EHMT2: variants seen among roughly 807,000 people sequenced by gnomAD.
EHMT2 encodes the protein euchromatic histone lysine methyltransferase 2.
EHMT2 carries 59 observed loss-of-function variants against 143.3 expected under a neutral mutation model. That is an observed-to-expected ratio of 0.41 (90% CI 0.33 to 0.51). The LOEUF is 0.51. Among genes scored for constraint, EHMT2 ranks in the 20% least tolerant of loss-of-function variants. The pLI is 0.18. For missense variants in EHMT2, 1,174 were observed against 1,645.9 expected, an observed-to-expected ratio of 0.71 and a Z score of 4.96; for synonymous variants, 604 against 651.5, an observed-to-expected ratio of 0.93 and a Z score of 1.11.
At chr6:31,892,289 TG>T in intron 7 of EHMT2, 117 bp downstream of exon 7, 1 of 1,178,228 alleles carries the variant, frequency 8.5e-7, no homozygotes, top group Non-Finnish European at 1.2e-6. Flanking sequence ...AATGACTTAG[TG>T]GATATTCAGA....
Position 31,892,810 on chromosome 6 carries a change from G to C in EHMT2, c.667+16C>G, listed in dbSNP as rs1765879641. 2 of 1,611,526 alleles carry C rather than the reference G, an allele frequency of 1.2e-6. No individual in the cohort carries two copies. Among genetic ancestry groups the C allele is most frequent in the Admixed American group, 1.7e-5 (1 of 59,916 alleles). On this transcript the variant is annotated intron_variant, in intron 5 of 27. Transcript: ENST00000375537. ...CAGACCACATCAAGCCACCGGGGGT[G>C]GGGGATGGGACTGACCTGAGGTCAC...
In EHMT2 at chr6:31,896,983, C is replaced by G. The variant is rs763939448; in HGVS notation, c.49G>C (p.Ala17Pro). The G allele has an allele frequency of 1.7e-4, 261 of 1,571,652 alleles. No homozygotes were observed. The highest frequency in any genetic ancestry group is 2.1e-4 in the Non-Finnish European group (246 of 1,162,450). ...AGCAGCGCCCCCATCTCAGCGGGGG[C>G]CTCCCCCTGGGAGGGGAGACAAGGG... The change falls in exon 2 of 28, where the codon GCC becomes CCC. Residue 17 changes from alanine to proline, a missense_variant. Around this residue, in one of 6 missense-constraint regions of EHMT2, gnomAD observed 399 missense variants for 404.4 expected, o/e 0.99. Coordinates refer to ENST00000375537, the Ensembl canonical transcript of EHMT2.
In EHMT2 at chr6:31,880,067, G is replaced by C; in HGVS notation, c.*17C>G. 1.2e-6 allele frequency: 2 copies of C among 1,605,940 alleles called. No homozygotes were observed. The highest frequency in any genetic ancestry group is 1.7e-6 in the Non-Finnish European group (2 of 1,175,310). ...GCTGTGGCCATCCATGCTGGGGAGA[G>C]AGGGTGTGGTCCGTTCTCATGTGTT... On this transcript the variant is annotated 3_prime_UTR_variant, in exon 28 of 28. Transcript: ENST00000375537. This position sits in a 1 kb window ranked among gnomAD's most constrained non-coding sequence, Gnocchi z 6.6.
intron 1 of EHMT2, chr6:31,897,225 G>A (rs1766656077): frequency 4.9e-6 from 6 of 1,226,932 alleles, no homozygotes; most frequent in South Asian, 7.9e-5. Context: ...GAGAAGAGGA[G>A]GGGGAGGGGG....
chr6:31,880,011 G>A lies in EHMT2; in HGVS notation c.*73C>T, dbSNP rs1763887753. The A allele has an allele frequency of 6.5e-7, 1 of 1,533,654 alleles. No individual in the cohort carries two copies. Among genetic ancestry groups the A allele is most frequent in the Non-Finnish European group, 8.9e-7 (1 of 1,124,726 alleles). On this transcript the variant is annotated 3_prime_UTR_variant, in exon 28 of 28. Transcript: ENST00000375537. This position sits in a 1 kb window ranked among gnomAD's most constrained non-coding sequence, Gnocchi z 6.6. ...ATGGCAGCACCCCCAGGCATGGGCT[G>A]CGAGCAGCTGGTGGCAGAGGAGGCG... is the stretch of plus-strand genomic sequence containing the variant.
rs1764321575 is a variant in EHMT2, at chr6:31,883,066, C to A, written c.2995-57G>T. The A allele has an allele frequency of 1.4e-6, 2 of 1,469,556 alleles. No homozygotes were observed. The highest frequency in any genetic ancestry group is 1.4e-5 in the African/African-American group (1 of 71,958). 91.0% of individuals were successfully genotyped at this position (1,469,556 alleles called of 1,614,324 possible). On this transcript the variant is annotated intron_variant, in intron 23 of 27. Coordinates refer to ENST00000375537, the Ensembl canonical transcript of EHMT2. The surrounding 1 kb of genome is among the most constrained non-coding windows in gnomAD (Gnocchi z 5.6). ...CTGTGGGGCCCACCTCAGCTGCCCA[C>A]CCAGGAACCCCAAGACTCTACAGAG...
At position 31,881,111 on chromosome 6, in the gene EHMT2, T is replaced by C. The variant is rs41267094; in HGVS notation, c.3198-19A>G. On this transcript the variant is annotated intron_variant, in intron 25 of 27. Transcript: ENST00000375537. The surrounding 1 kb of genome is among the most constrained non-coding windows in gnomAD (Gnocchi z 4.8). Reference sequence around the variant, plus strand: ...GACATACCTGTGGGACAGGAATCCATGGTTCTGAAGGTGAGTGTGGGCTAT... The same window carrying C: ...GACATACCTGTGGGACAGGAATCCACGGTTCTGAAGGTGAGTGTGGGCTAT... 6.2e-6 allele frequency: 10 copies of C among 1,610,264 alleles called. No homozygotes were observed. The highest frequency in any genetic ancestry group is 1.3e-5 in the African/African-American group (1 of 74,960).
chr6:31,879,988 G>T, exon 28 of EHMT2: 1 of 1,378,892 alleles, frequency 7.3e-7, no homozygotes. Flanking sequence ...GAGAGAAGAT[G>T]GCAGCACCCC....
Position 31,889,733 on chromosome 6 carries a change from G to T in EHMT2, c.865-131C>A. ...CTGCTGGGGATAAGTGTGGGTAGCA[G>T]AGGAGACAAAGGGCCACATAAAGAG... is the stretch of plus-strand genomic sequence containing the variant. On this transcript the variant is annotated intron_variant, in intron 7 of 27. Transcript: ENST00000375537. This position sits in a 1 kb window ranked among gnomAD's most constrained non-coding sequence, Gnocchi z 5.1. The T allele has an allele frequency of 8.5e-7, 1 of 1,181,848 alleles. No homozygotes were observed. The highest frequency in any genetic ancestry group is 1.2e-6 in the Non-Finnish European group (1 of 820,578). 73.2% of individuals were successfully genotyped at this position (1,181,848 alleles called of 1,614,324 possible).
At chr6:31,893,851 G>A (rs1562513458) in intron 4 of EHMT2, among the ~76,000 whole-genome samples, 1 of 152,156 alleles carries the variant, frequency 6.6e-6, no homozygotes, top group Non-Finnish European at 1.5e-5. Context: ...GGGGTGGAGG[G>A]AATGGAGAGT....
chr6:31,892,604 G>A (rs776075288), intron 6 of EHMT2, 42 bp from the exon 7 acceptor site: 11 of 1,612,614 alleles, frequency 6.8e-6, no homozygotes, highest in Admixed American at 3.3e-5. Flanking sequence ...GACACCCTGC[G>A]CATTTCTACT....
Position 31,884,013 on chromosome 6 carries a change from AT to A in EHMT2, c.2772-64del. ...AAGGGGGTGAGGAGCTACTCCAGGT[AT>A]AAGGAAGAGAGTTGGGGAGGTTCCT... On this transcript the variant is annotated intron_variant, in intron 21 of 27. Coordinates refer to ENST00000375537, the Ensembl canonical transcript of EHMT2. The surrounding 1 kb of genome is among the most constrained non-coding windows in gnomAD (Gnocchi z 7.3). The A allele has an allele frequency of 6.3e-7, 1 of 1,579,450 alleles. No homozygotes were observed. Among genetic ancestry groups the A allele is most frequent in the Admixed American group, 1.8e-5 (1 of 56,364 alleles).
chr6:31,888,876 C>A lies in EHMT2; in HGVS notation c.1216+93G>T. 6.7e-7 allele frequency: 1 copy of A among 1,489,314 alleles called. No homozygotes were observed. Among genetic ancestry groups the A allele is most frequent in the Non-Finnish European group, 9.1e-7 (1 of 1,095,946 alleles). 92.3% of individuals were successfully genotyped at this position (1,489,314 alleles called of 1,614,324 possible). ...AGAACCCCTAAAGCCTGGCCATGGA[C>A]ACCCCGGCTCTGGCGTGGTTCCCCT... On this transcript the variant is annotated intron_variant, in intron 10 of 27. Transcript: ENST00000375537. The surrounding 1 kb of genome is among the most constrained non-coding windows in gnomAD (Gnocchi z 7.4).
In EHMT2 at chr6:31,883,436, A is replaced by G. The variant is rs1764377528; in HGVS notation, c.2920T>C (p.Cys974Arg). ...CTAGAGCAGTCGTCCACACACGTGCAGTGCTGGGGCGAGGAGGCAGAGGTC... is the reference window on the plus strand; with the variant it reads ...CTAGAGCAGTCGTCCACACACGTGCGGTGCTGGGGCGAGGAGGCAGAGGTC... The change falls in exon 23 of 28, where the codon TGC (cysteine) becomes CGC (arginine). Residue 974 changes from cysteine to arginine, a missense_variant. Coordinates refer to ENST00000375537, the Ensembl canonical transcript of EHMT2. This position sits in a 1 kb window ranked among gnomAD's most constrained non-coding sequence, Gnocchi z 5.6. The G allele has an allele frequency of 6.2e-7, 1 of 1,612,304 alleles. No individual in the cohort carries two copies. Among genetic ancestry groups the G allele is most frequent in the Admixed American group, 1.7e-5 (1 of 59,910 alleles).
chr6:31,896,166 T>C (rs1274248301), intron 4 of EHMT2, 97 bp downstream of exon 4: 11 of 1,498,032 alleles, frequency 7.3e-6, no homozygotes, highest in South Asian at 1.3e-5. Flanking sequence ...TGCTTAAATA[T>C]GTGAATGAGT....
intron 1 of EHMT2, 124 bp from the exon 2 acceptor site, chr6:31,897,113 C>T: frequency 7.0e-7 from 1 of 1,422,398 alleles, no homozygotes; most frequent in Non-Finnish European, 9.2e-7. Context: ...TGTGGGGCCC[C>T]CCCCTTCCGC....
At position 31,884,429 on chromosome 6, in the gene EHMT2, C is replaced by T. The variant is rs1283483690; in HGVS notation, c.2734G>A (p.Gly912Arg). The change falls in exon 21 of 28, where the codon GGA becomes AGA. Residue 912 changes from glycine (G) to arginine (R), a missense_variant. Around this residue, in one of 6 missense-constraint regions of EHMT2, gnomAD observed 608 missense variants for 903.7 expected, o/e 0.67. Coordinates refer to ENST00000375537, the Ensembl canonical transcript of EHMT2. The surrounding 1 kb of genome is among the most constrained non-coding windows in gnomAD (Gnocchi z 7.3). Reference sequence around the variant, plus strand: ...TTCTCTGTGCGGATGGCCCGATTTCCCACCCCAAGTCGGAGCTTGCGGTTG... The same window carrying T: ...TTCTCTGTGCGGATGGCCCGATTTCTCACCCCAAGTCGGAGCTTGCGGTTG... 2 of 1,612,664 alleles carry T rather than the reference C, an allele frequency of 1.2e-6. No homozygotes were observed. Among genetic ancestry groups the T allele is most frequent in the Non-Finnish European group, 1.7e-6 (2 of 1,180,000 alleles).
chr6:31,893,553 C>T (rs1347407461), intron 4 of EHMT2: 1 of 264,950 alleles, frequency 3.8e-6, no homozygotes, highest in Non-Finnish European at 7.8e-6. Context: ...TCTTGAACTC[C>T]TGGTGTCAAG....
chr6:31,889,211 C>A lies in EHMT2; in HGVS notation c.1114+17G>T. On this transcript the variant is annotated intron_variant, in intron 9 of 27. Coordinates refer to ENST00000375537, the Ensembl canonical transcript of EHMT2. The surrounding 1 kb of genome is among the most constrained non-coding windows in gnomAD (Gnocchi z 5.1). Reference sequence around the variant, plus strand: ...GCGGGGGCTGGAGGGCACCCAAAAGCAGCAGAGCCTCCTCACCTCGTGGCT... The same window carrying A: ...GCGGGGGCTGGAGGGCACCCAAAAGAAGCAGAGCCTCCTCACCTCGTGGCT... The A allele has an allele frequency of 6.3e-7, 1 of 1,593,196 alleles. No homozygotes were observed. The highest frequency in any genetic ancestry group is 8.5e-7 in the Non-Finnish European group (1 of 1,170,722).
Sources: gnomAD v4.1 joint callset for allele counts (sites outside exome capture counted in the v4.1 genomes callset) on GRCh38, gnomAD v4.1.1 for gene constraint, gnomAD v4.1.1 regional missense constraint, Gnocchi (gnomAD v3.1) non-coding constraint, MANE v1.5 for transcripts, NCBI Gene and HGNC (gene_info 2026-07-23, HGNC 2026-07-21) for gene names.